Variants in APBA1 observed in about 807,000 individuals in gnomAD.
The protein encoded by APBA1 is amyloid-beta A4 precursor protein-binding family A member 1.
In APBA1, 55 loss-of-function variants were observed where a neutral mutation model predicts 86.6. The ratio of observed to expected loss-of-function variants is 0.64; its 90% CI spans 0.51 to 0.80. The LOEUF (loss-of-function observed/expected upper bound fraction) is 0.80, where lower values mean the gene tolerates loss of function less well. Among genes scored for constraint, APBA1 ranks in the 30% least tolerant of loss-of-function variants. APBA1 has a pLI of 0.00. For missense variants in APBA1, 1,090 were observed against 1,183.0 expected, an observed-to-expected ratio of 0.92 and a Z score of 1.15; for synonymous variants, 511 against 493.9, an observed-to-expected ratio of 1.03 and a Z score of -0.46.
chr9:69,452,360 C>G lies in APBA1; in HGVS notation c.1789-59G>C. The stretch of plus-strand genomic sequence containing the variant: ...CAGGGCAGTGCACCTGGTGAGCGGC[C>G]TGGCGCACTTCCCACCTGAACAATG... On this transcript the variant is annotated intron_variant, in intron 8 of 12. Coordinates refer to ENST00000265381, the MANE Select transcript of APBA1 (RefSeq NM_001163.4). 5 of 1,544,456 alleles carry G rather than the reference C, an allele frequency of 3.2e-6. No homozygotes were observed. In the South Asian group the frequency reaches 5.9e-5, roughly 18 times the overall value.
chr9:69,523,534 G>GACAC (rs377194151), intron 1 of APBA1, among the ~76,000 whole-genome samples: 106 of 103,072 alleles, frequency 1.0e-3, no homozygotes, highest in African/African-American at 4.4e-3. Context: ...TATATATATA[G>GACAC]ACACACACAC....
chr9:69,432,557 A>C lies in APBA1; in HGVS notation c.2421T>G (p.Ile807Met). ...VATPHEKIVH[I>M]LSNAVGEIHM... is the part of the protein sequence containing the mutation. Reference sequence around the variant, plus strand: ...CTACCTCCCCAACAGCATTGGAGAGAATGTGGACGATCTTCTCGTGGGGGG... The same window carrying C: ...CTACCTCCCCAACAGCATTGGAGAGCATGTGGACGATCTTCTCGTGGGGGG... Residue 807 changes from isoleucine to methionine, a missense_variant, in exon 12 of 13, where the codon ATT becomes ATG. This residue lies in a region of APBA1 where 119 missense variants were observed against 124.8 expected (regional missense o/e 0.95). Transcript: ENST00000265381. 2 of 1,589,286 alleles carry C rather than the reference A, an allele frequency of 1.3e-6. No homozygotes were observed. The highest frequency in any genetic ancestry group is 1.7e-6 in the Non-Finnish European group (2 of 1,168,248).
chr9:69,524,742 C>G (rs1213217801), intron 1 of APBA1, among the ~76,000 whole-genome samples: 1 of 151,994 alleles, frequency 6.6e-6, no homozygotes, highest in Non-Finnish European at 1.5e-5. Context: ...CAAAGCCAGC[C>G]ATTATCCTGA....
In APBA1 at chr9:69,591,471, T is replaced by C. The variant is rs550499199; in HGVS notation, c.-69-74192A>G. 2.6e-4 allele frequency among the ~76,000 whole-genome samples: 39 copies of C among 152,316 alleles called. No homozygotes were observed. In the South Asian group the frequency reaches 8.1e-3, roughly 32 times the overall value. ...TCTGAATGCTCAACATAGAAGCTTG[T>C]CAACAATATGAAGGGAACCAAAATT... On this transcript the variant is annotated intron_variant, in intron 1 of 12. Coordinates refer to ENST00000265381, the MANE Select transcript of APBA1 (RefSeq NM_001163.4).
intron 1 of APBA1, among the ~76,000 whole-genome samples, chr9:69,645,370 A>C (rs1212498044): frequency 6.6e-6 from 1 of 152,242 alleles, no homozygotes; most frequent in Admixed American, 6.5e-5. Flanking sequence ...AACATCAGTT[A>C]AGGCAAGATC....
At chr9:69,570,335 G>A (rs1181580978) in intron 1 of APBA1, among the ~76,000 whole-genome samples, 1 of 152,178 alleles carries the variant, frequency 6.6e-6, no homozygotes. Flanking sequence ...CAGCTGCCCA[G>A]TGTTCAAAGA....
intron 1 of APBA1, among the ~76,000 whole-genome samples, chr9:69,629,496 AAG>A (rs1423916016): frequency 1.3e-5 from 2 of 152,236 alleles, no homozygotes; most frequent in Non-Finnish European, 2.9e-5. Context: ...CAAGTTGCAT[AAG>A]ATGAAGTCAG....
chr9:69,498,238 C>T (rs1835830442), intron 2 of APBA1, among the ~76,000 whole-genome samples: 2 of 152,114 alleles, frequency 1.3e-5, no homozygotes, highest in East Asian at 3.9e-4. Context: ...AAGTGTCAGA[C>T]AGCCCATGTA....
intron 1 of APBA1, among the ~76,000 whole-genome samples, chr9:69,591,583 C>T (rs575054714): frequency 3.4e-4 from 52 of 152,264 alleles, no homozygotes; most frequent in African/African-American, 1.2e-3. Flanking sequence ...TGGCAGGGCA[C>T]GAATCCTTCC....
intron 1 of APBA1, among the ~76,000 whole-genome samples, chr9:69,543,283 C>A (rs1339951163): frequency 1.1e-3 from 6 of 5,484 alleles, no homozygotes; most frequent in African/African-American, 3.0e-3. Context: ...ATTTCCCCCC[C>A]CCCCCCCCGG....
At chr9:69,608,971 A>G (rs183850492) in intron 1 of APBA1, among the ~76,000 whole-genome samples, 4 of 152,354 alleles carry the variant, frequency 2.6e-5, no homozygotes, top group African/African-American at 7.2e-5. Context: ...GATATCTAAC[A>G]TGGTACATAA....
intron 2 of APBA1, among the ~76,000 whole-genome samples, chr9:69,512,383 G>C (rs1836064472): frequency 6.6e-6 from 1 of 152,138 alleles, no homozygotes; most frequent in South Asian, 2.1e-4. Context: ...CTTAAGTTCT[G>C]GGGGAATTAA....
chr9:69,582,368 C>T lies in APBA1; in HGVS notation c.-69-65089G>A, dbSNP rs569577030. On this transcript the variant is annotated intron_variant, in intron 1 of 12. Transcript: ENST00000265381. ...CACACTTTCCTACCTGCTTCTACTG[C>T]GGGACGGGTCGCTTTCTCCACCCTG... Among the ~76,000 whole-genome samples, 95 of 152,258 alleles carry T rather than the reference C, an allele frequency of 6.2e-4. 1 individual carries two copies. Among genetic ancestry groups the T allele is most frequent in the African/African-American group, 2.1e-3 (89 of 41,546 alleles).
chr9:69,466,550 C>A (rs1835283437), intron 5 of APBA1, among the ~76,000 whole-genome samples: 1 of 152,114 alleles, frequency 6.6e-6, no homozygotes. Flanking sequence ...TGACACTGTC[C>A]TCTCCTTGGG....
intron 2 of APBA1, among the ~76,000 whole-genome samples, chr9:69,501,505 A>T (rs1298589942): frequency 6.6e-6 from 1 of 151,856 alleles, no homozygotes; most frequent in East Asian, 1.9e-4. Context: ...TACACGTATC[A>T]CAGAAAATAT....
chr9:69,440,438 G>C (rs756396740), intron 11 of APBA1, among the ~76,000 whole-genome samples: 129 of 151,566 alleles, frequency 8.5e-4, no homozygotes, highest in Non-Finnish European at 1.5e-3. Context: ...CACCCCGTTC[G>C]AGCTTCCCCG....
intron 1 of APBA1, among the ~76,000 whole-genome samples, chr9:69,549,071 C>T (rs1435384376): frequency 6.6e-6 from 1 of 152,158 alleles, no homozygotes; most frequent in Non-Finnish European, 1.5e-5. Context: ...TCTACAGGGC[C>T]ACACAGATGA....
intron 1 of APBA1, among the ~76,000 whole-genome samples, chr9:69,541,199 TTGAC>T (rs1336108835): frequency 3.3e-5 from 5 of 152,170 alleles, no homozygotes; most frequent in African/African-American, 7.2e-5. Flanking sequence ...TTTGGTGAGT[TTGAC>T]TGAGATTGCT....
At chr9:69,484,303 G>A (rs1325369813) in intron 2 of APBA1, among the ~76,000 whole-genome samples, 1 of 152,078 alleles carries the variant, frequency 6.6e-6, no homozygotes, top group East Asian at 1.9e-4. Flanking sequence ...ATGGAAGAGG[G>A]AACCCGGACC....
Sources: gnomAD v4.1 joint callset for allele counts (sites outside exome capture counted in the v4.1 genomes callset) on GRCh38, gnomAD v4.1.1 for gene constraint, gnomAD v4.1.1 regional missense constraint, MANE v1.5 for transcripts, NCBI Gene and HGNC (gene_info 2026-07-23, HGNC 2026-07-21) for gene names.